The following BIN1 variants were observed in gnomAD, a reference collection of about 807,000 sequenced individuals.
The protein encoded by BIN1 is myc box-dependent-interacting protein 1.
Under a neutral mutation model 82.0 loss-of-function variants are expected in BIN1, and 53 were observed. The ratio of observed to expected loss-of-function variants is 0.65; its 90% CI spans 0.52 to 0.81. The LOEUF (loss-of-function observed/expected upper bound fraction) is 0.81. Ranked by LOEUF, BIN1 falls within the 40% of genes least tolerant of loss-of-function variation. The pLI is 0.00. For synonymous variants in BIN1, 302 were observed against 328.0 expected (o/e 0.92, Z 0.86); for missense variants, 642 against 784.4 (o/e 0.82, Z 2.17).
chr2:127,097,746 G>A (rs548727076), intron 1 of BIN1, among the ~76,000 whole-genome samples: 7 of 152,258 alleles, frequency 4.6e-5, no homozygotes, highest in South Asian at 2.1e-4. Context: ...CAGGCAACAC[G>A]TGGGGAGGGA....
chr2:127,068,821 C>T lies in BIN1; in HGVS notation c.519+103G>A. 1.7e-6 allele frequency: 2 copies of T among 1,164,794 alleles called. No homozygotes were observed. Among genetic ancestry groups the T allele is most frequent in the Non-Finnish European group, 2.5e-6 (2 of 785,922 alleles). 72.2% of individuals were successfully genotyped at this position (1,164,794 alleles called of 1,614,324 possible). On this transcript the variant is annotated intron_variant, in intron 6 of 18. Coordinates refer to ENST00000316724, the MANE Select transcript of BIN1 (RefSeq NM_139343.3). The surrounding 1 kb of genome is among the most constrained non-coding windows in gnomAD (Gnocchi z 4.9). ...GTATCGTCCCCACCCCCAGTTCAGC[C>T]ACCTGGGGCCAGGCAGGAGGAAGCC...
At chr2:127,075,410 A>G (rs1269658606) in intron 2 of BIN1, among the ~76,000 whole-genome samples, 1 of 152,142 alleles carries the variant, frequency 6.6e-6, no homozygotes, top group African/African-American at 2.4e-5. Flanking sequence ...TTCTTGTTCA[A>G]GCCTCTATTC....
At chr2:127,103,305 G>A (rs775335462) in intron 1 of BIN1, among the ~76,000 whole-genome samples, 9 of 152,202 alleles carry the variant, frequency 5.9e-5, no homozygotes, top group African/African-American at 7.2e-5. Context: ...TGGCTACTGC[G>A]TGAGGAGACC....
chr2:127,089,100 T>C (rs1429918563), intron 1 of BIN1, among the ~76,000 whole-genome samples: 1 of 152,038 alleles, frequency 6.6e-6, no homozygotes, highest in Non-Finnish European at 1.5e-5. Context: ...GGAAATACTA[T>C]TATATTCTCA....
Position 127,059,044 on chromosome 2 carries a change from C to A in BIN1, c.969G>T (p.Thr323=), listed in dbSNP as rs760031440. The A allele has an allele frequency of 3.8e-6, 6 of 1,566,720 alleles. No homozygotes were observed. The highest frequency in any genetic ancestry group is 3.5e-6 in the Non-Finnish European group (4 of 1,155,926). The part of the protein sequence containing the change: ...NHEPEPAGGA[T]PGATLPKSPS... ...GGGACTTGGGGAGGGTGGCCCCGGG[C>A]GTGGCCCCGCCGGCCGGCTCTGGCT... Residue 323 remains threonine (T), a synonymous_variant, in exon 11 of 19, where the codon ACG becomes ACT. Coordinates refer to ENST00000316724, the MANE Select transcript of BIN1 (RefSeq NM_139343.3). The surrounding 1 kb of genome is among the most constrained non-coding windows in gnomAD (Gnocchi z 6.7).
intron 1 of BIN1, 51 bp downstream of exon 1, chr2:127,106,809 G>A (rs1038859303): frequency 3.2e-6 from 5 of 1,553,688 alleles, no homozygotes; most frequent in South Asian, 1.2e-5. Flanking sequence ...AGGTGGCCGG[G>A]GCTCCGCGGC....
chr2:127,078,249 A>T (rs975675097), intron 1 of BIN1, among the ~76,000 whole-genome samples: 1 of 152,130 alleles, frequency 6.6e-6, no homozygotes, highest in Non-Finnish European at 1.5e-5. Context: ...CTCACCAAGC[A>T]CTTGCTCTGT....
chr2:127,105,710 G>A (rs1431518745), intron 1 of BIN1, among the ~76,000 whole-genome samples: 1 of 152,150 alleles, frequency 6.6e-6, no homozygotes, highest in Non-Finnish European at 1.5e-5. Context: ...GGGAGCCCGC[G>A]GGTCTCAGAA....
chr2:127,057,586 G>C lies in BIN1; in HGVS notation c.1018C>G (p.Pro340Ala). ...KSPSQLRKGP[P>A]VPPPPKHTPS... Reference sequence around the variant, plus strand: ...GTGTGTTTGGGAGGCGGAGGGACTGGTGGGCCTTTCCGGAGCTGTGGGTCG... The same window carrying C: ...GTGTGTTTGGGAGGCGGAGGGACTGCTGGGCCTTTCCGGAGCTGTGGGTCG... The change falls in exon 12 of 19, where the codon CCA becomes GCA. Residue 340 changes from proline (P) to alanine (A), a missense_variant. Transcript: ENST00000316724. This position sits in a 1 kb window ranked among gnomAD's most constrained non-coding sequence, Gnocchi z 5.0. 2 of 1,536,300 alleles carry C rather than the reference G, an allele frequency of 1.3e-6. No homozygotes were observed. Among genetic ancestry groups the C allele is most frequent in the Non-Finnish European group, 1.8e-6 (2 of 1,136,824 alleles).
At chr2:127,091,800 A>G (rs1678964642) in intron 1 of BIN1, among the ~76,000 whole-genome samples, 1 of 152,062 alleles carries the variant, frequency 6.6e-6, no homozygotes, top group South Asian at 2.1e-4. Context: ...GGGAGGCTGA[A>G]GCAGGAGAAT....
chr2:127,076,185 C>T (rs1402997105), intron 2 of BIN1, among the ~76,000 whole-genome samples: 1 of 152,136 alleles, frequency 6.6e-6, no homozygotes, highest in African/African-American at 2.4e-5. Context: ...CAGCCTTGAG[C>T]CTGCCACACA....
At position 127,063,652 on chromosome 2, in the gene BIN1, G is replaced by T. The variant is rs1684789470; in HGVS notation, c.699-6C>A. 1 of 1,612,922 alleles carries T rather than the reference G, an allele frequency of 6.2e-7. No individual in the cohort carries two copies. Reference sequence around the variant, plus strand: ...TGACGTAGAAACCTACGCGGCTACAGAAGGGCGGAAGGATGGGGGCCAGGT... The same window carrying T: ...TGACGTAGAAACCTACGCGGCTACATAAGGGCGGAAGGATGGGGGCCAGGT... On this transcript the variant is annotated splice_region_variant and splice_polypyrimidine_tract_variant and intron_variant, in intron 8 of 18. Transcript: ENST00000316724.
chr2:127,079,700 G>A (rs946817187), intron 1 of BIN1, among the ~76,000 whole-genome samples: 1 of 152,216 alleles, frequency 6.6e-6, no homozygotes, highest in Non-Finnish European at 1.5e-5. Context: ...CTTGAGGTCA[G>A]GGACACTGTT....
Position 127,057,661 on chromosome 2 carries a change from G to T in BIN1, c.1003-60C>A. 1 of 1,455,816 alleles carries T rather than the reference G, an allele frequency of 6.9e-7. No individual in the cohort carries two copies. The highest frequency in any genetic ancestry group is 9.1e-7 in the Non-Finnish European group (1 of 1,097,972). 90.2% of individuals were successfully genotyped at this position (1,455,816 alleles called of 1,614,324 possible). ...AAGGCACAGCAGAGCACGGGGTTTGGGGGAGACAGACAGAGACAAAGCCAC... is the reference window on the plus strand; with the variant it reads ...AAGGCACAGCAGAGCACGGGGTTTGTGGGAGACAGACAGAGACAAAGCCAC... On this transcript the variant is annotated intron_variant, in intron 11 of 18. Transcript: ENST00000316724. The surrounding 1 kb of genome is among the most constrained non-coding windows in gnomAD (Gnocchi z 5.0).
In BIN1 at chr2:127,063,995, G is replaced by A. The variant is rs201238412; in HGVS notation, c.636C>T (p.Ala212=). 1.5e-5 allele frequency: 24 copies of A among 1,613,894 alleles called. No individual in the cohort carries two copies. In the Admixed American group the frequency reaches 3.3e-4, roughly 22 times the overall value. ...RNQAEEELIK[A]QKVFEEMNVD... ...CATTCATCTCCTCAAACACCTTCTG[G>A]GCTTTGATGAGCTCCTCCTCGGCCT... is the stretch of plus-strand genomic sequence containing the variant. Residue 212 remains alanine, a synonymous_variant, in exon 8 of 19, where the codon GCC becomes GCT. Coordinates refer to ENST00000316724, the MANE Select transcript of BIN1 (RefSeq NM_139343.3).
chr2:127,096,635 G>C (rs568495675), intron 1 of BIN1, among the ~76,000 whole-genome samples: 1 of 152,100 alleles, frequency 6.6e-6, no homozygotes, highest in African/African-American at 2.4e-5. Context: ...GTCCAGCTCC[G>C]AGCTCCATCC....
At position 127,090,222 on chromosome 2, in the gene BIN1, G is replaced by A. The variant is rs1029032931; in HGVS notation, c.85-13516C>T. Among the ~76,000 whole-genome samples, 4 of 152,210 alleles carry A rather than the reference G, an allele frequency of 2.6e-5. No homozygotes were observed. Among genetic ancestry groups the A allele is most frequent in the African/African-American group, 9.6e-5 (4 of 41,458 alleles). ...TTGGGAAAAGGGTAAACCGACAAGA[G>A]GCCCCATGGAAATCAACCAAACAGC... On this transcript the variant is annotated intron_variant, in intron 1 of 18. Transcript: ENST00000316724. This position sits in a 1 kb window ranked among gnomAD's most constrained non-coding sequence, Gnocchi z 6.4.
chr2:127,069,164 C>T (rs1251750040), intron 5 of BIN1, 133 bp from the exon 6 acceptor site: 1 of 789,462 alleles, frequency 1.3e-6, no homozygotes, highest in Non-Finnish European at 2.1e-6. Flanking sequence ...GCCCTTGTTG[C>T]TGGAACCCTC....
Position 127,051,138 on chromosome 2 carries a change from G to A in BIN1, c.1461+16C>T, listed in dbSNP as rs2104866756. On this transcript the variant is annotated intron_variant, in intron 16 of 18. Transcript: ENST00000316724. The stretch of plus-strand genomic sequence containing the variant: ...GGCAGGGAGGAAAAGGCAGGGCTTT[G>A]TCCCTGCTGTCTTACGGAGGCTGCT... 3 of 1,612,720 alleles carry A rather than the reference G, an allele frequency of 1.9e-6. No individual in the cohort carries two copies. Among genetic ancestry groups the A allele is most frequent in the Non-Finnish European group, 2.5e-6 (3 of 1,179,394 alleles).
Sources: gnomAD v4.1 joint callset for allele counts (sites outside exome capture counted in the v4.1 genomes callset) on GRCh38, gnomAD v4.1.1 for gene constraint, Gnocchi (gnomAD v3.1) non-coding constraint, MANE v1.5 for transcripts, NCBI Gene and HGNC (gene_info 2026-07-23, HGNC 2026-07-21) for gene names.